Variants in KIAA0513 observed in about 807,000 individuals in gnomAD.
The protein encoded by KIAA0513 is KIAA0513, also known as uncharacterized protein KIAA0513.
In KIAA0513, 39 loss-of-function variants were observed where a neutral mutation model predicts 56.5. The observed-to-expected ratio is 0.69, with a 90% confidence interval of 0.53 to 0.90. The LOEUF (loss-of-function observed/expected upper bound fraction) is 0.90, where lower values mean the gene tolerates loss of function less well. KIAA0513 is among the 40% of genes least tolerant of loss of function. The probability of loss-of-function intolerance (pLI) is 0.00; values close to 1 mark genes in which losing one functional copy is unlikely to be tolerated. For synonymous variants in KIAA0513, 268 were observed against 215.6 expected (o/e 1.24, Z -2.13); for missense variants, 591 against 535.2 (o/e 1.10, Z -1.03).
intron 1 of KIAA0513, chr16:85,063,800 G>C (rs1160761717): frequency 6.6e-6 from 1 of 152,164 alleles, no homozygotes; most frequent in Admixed American, 6.5e-5. Context: ...ATTGTAATTA[G>C]AGTAAAATTA....
At chr16:85,038,830 A>G (rs2073069540) in intron 1 of KIAA0513, among the ~76,000 whole-genome samples, 1 of 152,106 alleles carries the variant, frequency 6.6e-6, no homozygotes. Context: ...AGGTAGTTAC[A>G]TTCTCTTTTC....
chr16:85,038,279 G>A (rs375381790), intron 1 of KIAA0513, among the ~76,000 whole-genome samples: 4 of 152,236 alleles, frequency 2.6e-5, no homozygotes, highest in South Asian at 2.1e-4. Flanking sequence ...CGCTTTCTCC[G>A]GCTGAAGGTG....
intron 2 of KIAA0513, among the ~76,000 whole-genome samples, chr16:85,071,124 G>C (rs1197417534): frequency 6.6e-6 from 1 of 151,894 alleles, no homozygotes; most frequent in East Asian, 1.9e-4. Flanking sequence ...AGAGTGATGA[G>C]AAGTGGCCTG....
At chr16:85,039,047 T>C (rs2143857755) in intron 1 of KIAA0513, among the ~76,000 whole-genome samples, 1 of 152,348 alleles carries the variant, frequency 6.6e-6, no homozygotes. Context: ...ATAAGCTCCC[T>C]GAGGGCCAGG....
At chr16:85,066,547 G>A (rs1318931240) in intron 1 of KIAA0513, among the ~76,000 whole-genome samples, 1 of 152,166 alleles carries the variant, frequency 6.6e-6, no homozygotes, top group Admixed American at 6.5e-5. Flanking sequence ...GACAGCTAGC[G>A]GGCAGGTGGA....
chr16:85,058,760 G>A (rs1268916928), intron 1 of KIAA0513, among the ~76,000 whole-genome samples: 4 of 152,120 alleles, frequency 2.6e-5, no homozygotes, highest in African/African-American at 9.7e-5. Flanking sequence ...TAGAGACCTT[G>A]TCATCACAGT....
rs187063160 is a variant in KIAA0513, at chr16:85,091,531, A to C, written c.*3206A>C. The C allele has an allele frequency of 6.6e-6, 1 of 152,330 alleles. No individual in the cohort carries two copies. Among genetic ancestry groups the C allele is most frequent in the Non-Finnish European group, 1.5e-5 (1 of 68,024 alleles). 9.4% of individuals were successfully genotyped at this position (152,330 alleles called of 1,614,324 possible). On this transcript the variant is annotated 3_prime_UTR_variant, in exon 13 of 13. Transcript: ENST00000683363. ...GTCCAGTTTCTGAGCTCTGTACCCA[A>C]ATTAAAATCCTGATGTTCAGGTTAA... is the stretch of plus-strand genomic sequence containing the variant.
rs1360683004 is a variant in KIAA0513, at chr16:85,089,421, T to A, written c.*1096T>A. 6.5e-6 allele frequency: 1 copy of A among 152,706 alleles called. No homozygotes were observed. Among genetic ancestry groups the A allele is most frequent in the Non-Finnish European group, 1.5e-5 (1 of 68,448 alleles). 9.5% of individuals were successfully genotyped at this position (152,706 alleles called of 1,614,324 possible). A position where few individuals can be genotyped will look rare whatever the true frequency, so the allele number is the denominator to read the frequency against. On this transcript the variant is annotated 3_prime_UTR_variant, in exon 13 of 13. Transcript: ENST00000683363. This position sits in a 1 kb window ranked among gnomAD's most constrained non-coding sequence, Gnocchi z 4.2. ...AGCCTCTGCAGAGACTCCCTTCACC[T>A]CGCACTTACTGCCTGGGAACCACGG... is the stretch of plus-strand genomic sequence containing the variant.
intron 1 of KIAA0513, among the ~76,000 whole-genome samples, chr16:85,050,879 G>C (rs1215531134): frequency 6.6e-6 from 1 of 152,224 alleles, no homozygotes; most frequent in Non-Finnish European, 1.5e-5. Flanking sequence ...CAGTGGGCCA[G>C]GTGCACTGGT....
At chr16:85,057,713 C>T (rs1161567667) in intron 1 of KIAA0513, among the ~76,000 whole-genome samples, 1 of 151,900 alleles carries the variant, frequency 6.6e-6, no homozygotes, top group African/African-American at 2.4e-5. Flanking sequence ...AGCCCGTATG[C>T]CAGTGCCTGG....
At chr16:85,065,435 C>T (rs781174509) in intron 1 of KIAA0513, among the ~76,000 whole-genome samples, 1 of 152,210 alleles carries the variant, frequency 6.6e-6, no homozygotes, top group Non-Finnish European at 1.5e-5. Context: ...TTATGCTTCT[C>T]TCTTGTGGAC....
At chr16:85,032,255 A>G (rs1274580793) in intron 1 of KIAA0513, among the ~76,000 whole-genome samples, 1 of 152,034 alleles carries the variant, frequency 6.6e-6, no homozygotes, top group Non-Finnish European at 1.5e-5. Flanking sequence ...TCTCCACTTC[A>G]TGTCTCCTCC....
In KIAA0513 at chr16:85,073,198, C is replaced by G. The variant is rs144787040; in HGVS notation, c.503+200C>G. 2.4e-3 allele frequency among the ~76,000 whole-genome samples: 368 copies of G among 152,266 alleles called. 2 individuals are homozygous for G. The highest frequency in any genetic ancestry group is 8.5e-3 in the African/African-American group (352 of 41,548). ...ATCTCGCGGGAGCAGGGCTGGCAGT[C>G]CTTAGCTGGCAGCGAATGAGAGGGC... On this transcript the variant is annotated intron_variant, in intron 4 of 12. Coordinates refer to ENST00000683363, the MANE Select transcript of KIAA0513 (RefSeq NM_001388359.1).
rs1471285662 is a variant in KIAA0513 at position 85,081,662 on chromosome 16, A to C, written c.980+270A>C. Among the ~76,000 whole-genome samples the C allele has an allele frequency of 6.6e-6, 1 of 152,098 alleles. No homozygotes were observed. The highest frequency in any genetic ancestry group is 1.9e-4 in the East Asian group (1 of 5,174). Reference sequence around the variant, plus strand: ...AAAAATGCAAACTCCCACTAAGACCATCAGGACCCCTGCTGCTGGGCCCAC... The same window carrying C: ...AAAAATGCAAACTCCCACTAAGACCCTCAGGACCCCTGCTGCTGGGCCCAC... On this transcript the variant is annotated intron_variant, in intron 9 of 12. Transcript: ENST00000683363. This position sits in a 1 kb window ranked among gnomAD's most constrained non-coding sequence, Gnocchi z 4.4.
intron 4 of KIAA0513, among the ~76,000 whole-genome samples, chr16:85,074,363 C>CACACAT (rs56032714): frequency 0.014 from 2,088 of 150,822 alleles, 47 homozygotes; most frequent in African/African-American, 0.042. Context: ...CACACACACA[C>CACACAT]ATATATATTT....
chr16:85,065,612 A>C (rs1827668742), intron 1 of KIAA0513, among the ~76,000 whole-genome samples: 1 of 152,232 alleles, frequency 6.6e-6, no homozygotes, highest in African/African-American at 2.4e-5. Context: ...GAGGCAGAAA[A>C]GGCCATTCTG....
rs1402852725 is a variant in KIAA0513 at position 85,092,953 on chromosome 16, C to G, written c.*4628C>G. ...GGCCAACACTGGCCCGGAAGCCGCC[C>G]TCCATACAGGCCCTCAGGGGGCCTG... On this transcript the variant is annotated 3_prime_UTR_variant, in exon 13 of 13. Coordinates refer to ENST00000683363, the MANE Select transcript of KIAA0513 (RefSeq NM_001388359.1). 1 of 152,502 alleles carries G rather than the reference C, an allele frequency of 6.6e-6. No homozygotes were observed. The highest frequency in any genetic ancestry group is 6.5e-5 in the Admixed American group (1 of 15,304). The allele number at this position is 152,502 out of a possible 1,614,324, so 9.4% of individuals were successfully genotyped here.
intron 1 of KIAA0513, among the ~76,000 whole-genome samples, chr16:85,043,661 C>T (rs370341561): frequency 6.6e-6 from 1 of 152,096 alleles, no homozygotes; most frequent in African/African-American, 2.4e-5. Flanking sequence ...GATCCACCCA[C>T]CTCAGCCTCC....
chr16:85,051,919 G>C (rs989765400), intron 1 of KIAA0513, among the ~76,000 whole-genome samples: 3 of 151,630 alleles, frequency 2.0e-5, no homozygotes, highest in African/African-American at 7.3e-5. Flanking sequence ...CTCCCAAAGT[G>C]CTGGGATTAC....
Sources: allele counts gnomAD v4.1 joint callset (sites outside exome capture counted in the v4.1 genomes callset), GRCh38; gene constraint gnomAD v4.1.1; non-coding constraint Gnocchi (gnomAD v3.1); transcripts MANE v1.5; gene names NCBI Gene and HGNC (gene_info 2026-07-23, HGNC 2026-07-21).